ACOX3: variants seen among roughly 807,000 people sequenced by gnomAD.
The protein encoded by ACOX3 is peroxisomal acyl-coenzyme A oxidase 3.
A neutral mutation model predicts 81.5 loss-of-function variants in ACOX3; 73 were observed. The ratio of observed to expected loss-of-function variants is 0.90; its 90% CI spans 0.74 to 1.09. The LOEUF is 1.09. Ranked by LOEUF, ACOX3 falls within the 50% of genes least tolerant of loss-of-function variation. The pLI is 0.00. For missense variants in ACOX3, 947 were observed against 928.0 expected, an observed-to-expected ratio of 1.02 and a Z score of -0.27; for synonymous variants, 387 against 375.1, an observed-to-expected ratio of 1.03 and a Z score of -0.37.
chr4:8,393,063 A>T (rs902820234), intron 10 of ACOX3: 2 of 151,524 alleles, frequency 1.3e-5, no homozygotes, highest in African/African-American at 2.4e-5. Context: ...GAAGCTAAGC[A>T]GGGTCGGGCG....
At chr4:8,415,600 C>T (rs1722239600) in intron 3 of ACOX3, among the ~76,000 whole-genome samples, 166 bp downstream of exon 3, 1 of 151,778 alleles carries the variant, frequency 6.6e-6, no homozygotes. Flanking sequence ...AAAAGGGGGA[C>T]TGAAATTTTT....
At position 8,375,135 on chromosome 4, in the gene ACOX3, C is replaced by A. The variant is rs781310389; in HGVS notation, c.1671G>T (p.Pro557=). The A allele has an allele frequency of 1.9e-6, 3 of 1,547,966 alleles. No homozygotes were observed. Among genetic ancestry groups the A allele is most frequent in the Non-Finnish European group, 2.6e-6 (3 of 1,144,394 alleles). Residue 557 remains proline (P), a synonymous_variant, in exon 15 of 18, where the codon CCG becomes CCT. Coordinates refer to ENST00000356406, the MANE Select transcript of ACOX3 (RefSeq NM_003501.3). ...RNKCQVSHGR[P]LALAFVELTV... is the part of the protein sequence containing the mutation. ...TGAGCTCCACGAAGGCCAGCGCCAA[C>A]GGACGGCCGTGGGACACCTGGAACA...
chr4:8,439,626 T>C (rs1391620163), intron 1 of ACOX3, among the ~76,000 whole-genome samples: 1 of 152,248 alleles, frequency 6.6e-6, no homozygotes, highest in East Asian at 1.9e-4. Flanking sequence ...CTAACCTGCT[T>C]AGGACATGAC....
Position 8,389,684 on chromosome 4 carries a change from C to T in ACOX3, c.1351G>A (p.Glu451Lys), listed in dbSNP as rs536521584. The change falls in exon 12 of 18, where the codon GAA (glutamate) becomes AAA (lysine). Residue 451 changes from glutamate to lysine, a missense_variant. Coordinates refer to ENST00000356406, the MANE Select transcript of ACOX3 (RefSeq NM_003501.3). The surrounding 1 kb of genome is among the most constrained non-coding windows in gnomAD (Gnocchi z 5.3). ...RDDNDPNCTY[E>K]GDNNILLQQT... The stretch of plus-strand genomic sequence containing the variant: ...TGCAGCAGGATGTTGTTGTCACCTT[C>T]GTATGTGCAGTTGGGATCGTTGTCA... 2.8e-5 allele frequency: 45 copies of T among 1,614,098 alleles called. No homozygotes were observed. Among genetic ancestry groups the T allele is most frequent in the Non-Finnish European group, 3.4e-5 (40 of 1,180,016 alleles).
the ACOX3 span, among the ~76,000 whole-genome samples, chr4:8,360,513 C>T: frequency 1.3e-5 from 2 of 151,378 alleles, no homozygotes; most frequent in African/African-American, 4.9e-5. Flanking sequence ...ACTCTGTTGC[C>T]CAGGCTGGAG....
the ACOX3 span, chr4:8,356,466 C>G: frequency 2.3e-6 from 1 of 439,322 alleles, no homozygotes; most frequent in Non-Finnish European, 4.6e-6. Flanking sequence ...GTTTGCTAAA[C>G]TTGTACATTC....
In ACOX3 at chr4:8,368,808, A is replaced by G. The variant is rs879552257; in HGVS notation, c.1984-1728T>C. Among the ~76,000 whole-genome samples, 4 of 150,460 alleles carry G rather than the reference A, an allele frequency of 2.7e-5. No individual in the cohort carries two copies. Among genetic ancestry groups the G allele is most frequent in the Non-Finnish European group, 3.0e-5 (2 of 67,722 alleles). ...CAGTGGCGCGATCACTGCCCACCAC[A>G]GCCTCGACCTCCCCAAGCTCAGGGG... On this transcript the variant is annotated intron_variant, in intron 17 of 17. Coordinates refer to ENST00000356406, the MANE Select transcript of ACOX3 (RefSeq NM_003501.3). This position sits in a 1 kb window ranked among gnomAD's most constrained non-coding sequence, Gnocchi z 5.9.
rs190084779 is a variant in ACOX3, at chr4:8,421,106, G to A, written c.-14-4571C>T. ...CCCACCACCATCTTGGGAGCTCTGG[G>A]AGCAAACACTCATCGGTAACATTTG... On this transcript the variant is annotated intron_variant, in intron 1 of 17. Coordinates refer to ENST00000356406, the MANE Select transcript of ACOX3 (RefSeq NM_003501.3). 6.5e-3 allele frequency among the ~76,000 whole-genome samples: 995 copies of A among 152,304 alleles called. 9 individuals are homozygous for A. Among genetic ancestry groups the A allele is most frequent in the African/African-American group, 0.023 (942 of 41,556 alleles).
intron 11 of ACOX3, among the ~76,000 whole-genome samples, chr4:8,390,102 C>CA (rs773204173): frequency 0.068 from 5,615 of 82,988 alleles, 462 homozygotes; most frequent in African/African-American, 0.25. Flanking sequence ...GACCCTGTCT[C>CA]AACAACAACA....
At chr4:8,429,112 C>T (rs1723790499) in intron 1 of ACOX3, among the ~76,000 whole-genome samples, 2 of 152,176 alleles carry the variant, frequency 1.3e-5, no homozygotes, top group Admixed American at 6.5e-5. Context: ...CCCAAAGCCT[C>T]GTCTCAAGGT....
chr4:8,356,405 G>A, the ACOX3 span: 14 of 400,200 alleles, frequency 3.5e-5, no homozygotes, highest in East Asian at 7.2e-5. Flanking sequence ...GCATGTGCAC[G>A]GATGGCTGCC....
At chr4:8,361,425 C>CAAAAACAAAAAAAAAAAAAAAAA (rs1715231777), downstream of ACOX3, among the ~76,000 whole-genome samples, 1 of 39,036 alleles carries the variant, frequency 2.6e-5, no homozygotes, top group African/African-American at 1.2e-4. Flanking sequence ...GACTCTATCT[C>CAAAAACAAAAAAAAAAAAAAAAA]AAAAAAAAAA....
At chr4:8,390,851 C>T (rs1313125032) in intron 11 of ACOX3, among the ~76,000 whole-genome samples, 1 of 152,200 alleles carries the variant, frequency 6.6e-6, no homozygotes, top group African/African-American at 2.4e-5. Context: ...TGATTTTCTC[C>T]TGACTTACTG....
rs909976277 is a variant in ACOX3 at position 8,437,130 on chromosome 4, AAT to A, written c.-15+3516_-15+3517del. ...ATATATATGTAAAAAAATATATGTA[AAT>A]ATATATATAAATATATATATAGTGA... On this transcript the variant is annotated intron_variant, in intron 1 of 17. Coordinates refer to ENST00000356406, the MANE Select transcript of ACOX3 (RefSeq NM_003501.3). This position sits in a 1 kb window ranked among gnomAD's most constrained non-coding sequence, Gnocchi z 5.2. Among the ~76,000 whole-genome samples the A allele has an allele frequency of 2.1e-5, 3 of 144,410 alleles. No homozygotes were observed. The highest frequency in any genetic ancestry group is 4.5e-5 in the Non-Finnish European group (3 of 66,332). 94.7% of individuals were successfully genotyped at this position (144,410 alleles called of 152,430 possible). A position where few individuals can be genotyped will look rare whatever the true frequency, so the allele number is the denominator to read the frequency against.
chr4:8,425,732 C>T (rs181299231), intron 1 of ACOX3, among the ~76,000 whole-genome samples: 2 of 151,294 alleles, frequency 1.3e-5, no homozygotes, highest in East Asian at 1.9e-4. Flanking sequence ...TGGGAGGAGG[C>T]CTTTCCTTGT....
Position 8,375,147 on chromosome 4 carries a change from G to A in ACOX3, c.1659C>T (p.Ser553=), listed in dbSNP as rs1256284109. The A allele has an allele frequency of 2.6e-6, 4 of 1,543,678 alleles. No individual in the cohort carries two copies. The highest frequency in any genetic ancestry group is 3.5e-6 in the Non-Finnish European group (4 of 1,141,812). ...DFEARNKCQV[S]HGRPLALAFV... is the part of the protein sequence containing the mutation. Reference sequence around the variant, plus strand: ...AGGCCAGCGCCAACGGACGGCCGTGGGACACCTGGAACACAGGACGGCACC... The same window carrying A: ...AGGCCAGCGCCAACGGACGGCCGTGAGACACCTGGAACACAGGACGGCACC... The change falls in exon 15 of 18, where the codon TCC becomes TCT. Residue 553 remains serine, a synonymous_variant. Transcript: ENST00000356406.
Position 8,427,502 on chromosome 4 carries a change from C to G in ACOX3, c.-14-10967G>C, listed in dbSNP as rs527850153. 3.3e-5 allele frequency among the ~76,000 whole-genome samples: 5 copies of G among 152,326 alleles called. No individual in the cohort carries two copies. In the South Asian group the frequency reaches 8.3e-4, roughly 25 times the overall value. On this transcript the variant is annotated intron_variant, in intron 1 of 17. Transcript: ENST00000356406. ...CTGCGCTTCTGATCCAGCGAGGCAC[C>G]GGTTGCTGCTCCCGGGCTAGAGACT...
intron 13 of ACOX3, among the ~76,000 whole-genome samples, chr4:8,383,822 T>A (rs561937446): frequency 6.6e-6 from 1 of 152,220 alleles, no homozygotes; most frequent in Admixed American, 6.5e-5. Context: ...CTCTGCAACA[T>A]CCCAAGCTCT....
chr4:8,422,841 G>C (rs948187912), intron 1 of ACOX3, among the ~76,000 whole-genome samples: 7 of 152,216 alleles, frequency 4.6e-5, no homozygotes, highest in African/African-American at 1.7e-4. Flanking sequence ...TTCCAGTGTG[G>C]TCTACAAGGA....
Sources: allele counts gnomAD v4.1 joint callset (sites outside exome capture counted in the v4.1 genomes callset), GRCh38; gene constraint gnomAD v4.1.1; non-coding constraint Gnocchi (gnomAD v3.1); transcripts MANE v1.5; gene names NCBI Gene and HGNC (gene_info 2026-07-23, HGNC 2026-07-21).